PCDHA1: variants seen among roughly 807,000 people sequenced by gnomAD.
PCDHA1 encodes the protein protocadherin alpha 1, also known as protocadherin alpha-1.
A neutral mutation model predicts 61.3 loss-of-function variants in PCDHA1; 42 were observed. The observed-to-expected ratio is 0.69, with a 90% CI of 0.54 to 0.89. The LOEUF (loss-of-function observed/expected upper bound fraction) is 0.89. Among genes scored for constraint, PCDHA1 ranks in the 40% least tolerant of loss-of-function variants. PCDHA1 has a pLI of 0.00. For missense variants in PCDHA1, 1,256 were observed against 1,235.3 expected, an observed-to-expected ratio of 1.02 and a Z score of -0.25; for synonymous variants, 610 against 553.8, an observed-to-expected ratio of 1.10 and a Z score of -1.43.
At chr5:140,843,011 G>A (rs2150350118) in intron 1 of PCDHA1, 1 of 1,595,080 alleles carries the variant, frequency 6.3e-7, no homozygotes, top group Admixed American at 1.7e-5. Flanking sequence ...CAACGCGCCG[G>A]CACTGCTGGA....
chr5:140,842,128 G>C, intron 1 of PCDHA1: 1 of 1,613,840 alleles, frequency 6.2e-7, no homozygotes, highest in Non-Finnish European at 8.5e-7. Flanking sequence ...CTTCTGATCC[G>C]GATGAAGGAG....
At chr5:140,833,940 T>A (rs2150212257) in intron 1 of PCDHA1, among the ~76,000 whole-genome samples, 16 of 152,236 alleles carry the variant, frequency 1.1e-4, no homozygotes, top group Non-Finnish European at 1.9e-4. Context: ...GTCACTTAGG[T>A]TTCTATCTTT....
chr5:140,915,876 G>A (rs1373834228), intron 1 of PCDHA1, among the ~76,000 whole-genome samples: 1 of 152,136 alleles, frequency 6.6e-6, no homozygotes, highest in East Asian at 1.9e-4. Context: ...CTTCCCTTTA[G>A]GGTAGCAAGT....
At chr5:140,878,879 G>A (rs1315306611) in intron 1 of PCDHA1, among the ~76,000 whole-genome samples, 4 of 152,204 alleles carry the variant, frequency 2.6e-5, no homozygotes, top group Admixed American at 6.5e-5. Flanking sequence ...AGCCTTTCAA[G>A]TAGCTGAGAC....
chr5:140,976,323 G>A (rs532976656), intron 1 of PCDHA1, among the ~76,000 whole-genome samples: 26 of 152,258 alleles, frequency 1.7e-4, no homozygotes, highest in African/African-American at 6.0e-4. Context: ...GGCCGAGGAG[G>A]GTGGATTGCC....
At chr5:140,848,886 C>G in intron 1 of PCDHA1, 2 of 1,591,496 alleles carry the variant, frequency 1.3e-6, no homozygotes, top group Admixed American at 1.7e-5. Context: ...CGACAACCCT[C>G]CAGTGTTCCC....
rs2150128488 is a variant in PCDHA1 at position 140,823,719 on chromosome 5, G to A, written c.2394+35035G>A. The A allele has an allele frequency of 3.1e-6, 5 of 1,613,928 alleles. No individual in the cohort carries two copies. In the African/African-American group the frequency reaches 5.3e-5, roughly 17 times the overall value. ...AAGCACCGCGCCACCGCCTTCTGGT[G>A]CTGGTGAAGGACCATGGAGAGCCCC... On this transcript the variant is annotated intron_variant, in intron 1 of 3. Transcript: ENST00000504120.
rs201902460 is a variant in PCDHA1 at position 140,856,564 on chromosome 5, T to G, written c.2394+67880T>G. 3.5e-5 allele frequency: 56 copies of G among 1,597,706 alleles called. 2 individuals are homozygous for G. The highest frequency in any genetic ancestry group is 8.8e-5 in the South Asian group (8 of 90,522). Reference sequence around the variant, plus strand: ...ACGCATTGCTTACTTACAAACTCAGTCCAAATGAGTATTTTGTTCTTGATA... The same window carrying G: ...ACGCATTGCTTACTTACAAACTCAGGCCAAATGAGTATTTTGTTCTTGATA... On this transcript the variant is annotated intron_variant, in intron 1 of 3. Transcript: ENST00000504120.
chr5:140,908,142 A>T (rs1371459142), intron 1 of PCDHA1, among the ~76,000 whole-genome samples: 1 of 152,158 alleles, frequency 6.6e-6, no homozygotes, highest in East Asian at 1.9e-4. Context: ...TCCTTCAGGT[A>T]TGTCCTAGGA....
intron 2 of PCDHA1, among the ~76,000 whole-genome samples, chr5:140,979,939 T>A (rs2096870929): frequency 6.6e-6 from 1 of 152,210 alleles, no homozygotes; most frequent in African/African-American, 2.4e-5. Context: ...ATGTGTAGAG[T>A]TAATGTGAAA....
intron 1 of PCDHA1, chr5:140,796,519 G>A: frequency 6.2e-7 from 1 of 1,612,476 alleles, no homozygotes. Context: ...CAAGGTGTAC[G>A]CGCTGCAGCC....
At chr5:140,796,734 G>A in intron 1 of PCDHA1, 1 of 1,614,098 alleles carries the variant, frequency 6.2e-7, no homozygotes, top group South Asian at 1.1e-5. Flanking sequence ...CAGGGCACGT[G>A]GTGGCGAAGG....
intron 1 of PCDHA1, chr5:140,852,112 T>C: frequency 1.1e-6 from 1 of 910,156 alleles, no homozygotes; most frequent in Non-Finnish European, 1.3e-6. Flanking sequence ...TTACAAGGTA[T>C]GACCTAATTA....
At chr5:140,794,454 A>ACCAC (rs1761859005) in intron 1 of PCDHA1, among the ~76,000 whole-genome samples, 2 of 152,244 alleles carry the variant, frequency 1.3e-5, no homozygotes, top group African/African-American at 4.8e-5. Flanking sequence ...ATAGAAATAG[A>ACCAC]AAATAGGACT....
chr5:140,949,075 C>G (rs1459435331), intron 1 of PCDHA1, among the ~76,000 whole-genome samples: 1 of 151,470 alleles, frequency 6.6e-6, no homozygotes, highest in Non-Finnish European at 1.5e-5. Flanking sequence ...ACTCTTTCAC[C>G]CATTTATTAC....
intron 1 of PCDHA1, among the ~76,000 whole-genome samples, chr5:140,972,991 T>C (rs142551667): frequency 6.6e-6 from 1 of 152,222 alleles, no homozygotes; most frequent in Non-Finnish European, 1.5e-5. Context: ...GTAGATTCTG[T>C]GCATTTGTGG....
Position 140,917,327 on chromosome 5 carries a change from G to A in PCDHA1, c.2395-61622G>A, listed in dbSNP as rs1219338384. ...TTACAATTTGGTGTTCATGTGGCGG[G>A]GGAGGGGGGGGATGGTGTAGGCTTC... On this transcript the variant is annotated intron_variant, in intron 1 of 3. Coordinates refer to ENST00000504120, the MANE Select transcript of PCDHA1 (RefSeq NM_018900.4). Among the ~76,000 whole-genome samples, 73 of 149,528 alleles carry A rather than the reference G, an allele frequency of 4.9e-4. 3 individuals carry two copies. Among genetic ancestry groups the A allele is most frequent in the African/African-American group, 1.3e-3 (54 of 40,384 alleles).
chr5:140,843,751 T>A (rs2150366147), intron 1 of PCDHA1: 1 of 1,519,852 alleles, frequency 6.6e-7, no homozygotes, highest in Non-Finnish European at 9.0e-7. Context: ...ATAAATTCTA[T>A]TTGTGGAAAT....
At chr5:140,971,435 T>A (rs1188604248) in intron 1 of PCDHA1, among the ~76,000 whole-genome samples, 1 of 152,190 alleles carries the variant, frequency 6.6e-6, no homozygotes, top group Non-Finnish European at 1.5e-5. Flanking sequence ...AACCCCAAGA[T>A]CTACAGCTCC....
Sources: allele counts gnomAD v4.1 joint callset (sites outside exome capture counted in the v4.1 genomes callset), GRCh38; gene constraint gnomAD v4.1.1; transcripts MANE v1.5; gene names NCBI Gene and HGNC (gene_info 2026-07-23, HGNC 2026-07-21).